Variants in GPRC5D observed in about 807,000 individuals in gnomAD.
The protein encoded by GPRC5D is G protein-coupled receptor class C group 5 member D.
A neutral mutation model predicts 29.3 loss-of-function variants in GPRC5D; 20 were observed. The observed-to-expected ratio is 0.68, with a 90% confidence interval of 0.48 to 0.99. GPRC5D has a LOEUF of 0.99. Ranked by LOEUF, GPRC5D falls within the 50% of genes least tolerant of loss-of-function variation. The pLI, the probability that GPRC5D is intolerant of heterozygous loss-of-function variation, is 0.00. For synonymous variants in GPRC5D, 178 were observed against 171.3 expected (o/e 1.04, Z -0.30); for missense variants, 384 against 423.6 (o/e 0.91, Z 0.82).
At chr12:12,943,487 G>A (rs1863203510) in intron 1 of GPRC5D, among the ~76,000 whole-genome samples, 1 of 152,188 alleles carries the variant, frequency 6.6e-6, no homozygotes, top group Non-Finnish European at 1.5e-5. Flanking sequence ...CTATCTCATA[G>A]GATTGCTTTG....
At chr12:12,943,537 G>T (rs1035586316) in intron 1 of GPRC5D, among the ~76,000 whole-genome samples, 1 of 152,190 alleles carries the variant, frequency 6.6e-6, no homozygotes, top group Non-Finnish European at 1.5e-5. Context: ...TTGGAACAGA[G>T]CTATCCTTTG....
exon 2 of GPRC5D, chr12:12,942,282 A>G (rs1255161989): frequency 1.9e-6 from 3 of 1,611,692 alleles, no homozygotes; most frequent in Admixed American, 1.7e-5. Flanking sequence ...TGGGAGTACC[A>G]TATGAAGTTA....
At chr12:12,947,445 T>G (rs1027091249) in intron 1 of GPRC5D, among the ~76,000 whole-genome samples, 2 of 152,240 alleles carry the variant, frequency 1.3e-5, no homozygotes, top group African/African-American at 4.8e-5. Flanking sequence ...ACCTAAATTC[T>G]GATTTTACTT....
chr12:12,940,813 C>G (rs760144641), exon 3 of GPRC5D: 2 of 1,608,552 alleles, frequency 1.2e-6, no homozygotes, highest in Non-Finnish European at 1.7e-6. Context: ...CTTAGTTTAG[C>G]CTGTGGGATG....
chr12:12,950,536 G>A (rs1863468866), upstream of GPRC5D: 3 of 610,146 alleles, frequency 4.9e-6, no homozygotes, highest in Non-Finnish European at 8.6e-6. Context: ...GCTGGGTGCG[G>A]TGGCTCACTC....
chr12:12,943,032 C>T (rs1000064075), intron 1 of GPRC5D, among the ~76,000 whole-genome samples: 1 of 152,158 alleles, frequency 6.6e-6, no homozygotes, highest in Non-Finnish European at 1.5e-5. Context: ...AACCCCTGGC[C>T]TCAAACCTCC....
intron 1 of GPRC5D, among the ~76,000 whole-genome samples, chr12:12,946,388 TTC>T (rs553114607): frequency 0.022 from 3,120 of 140,644 alleles, 89 homozygotes; most frequent in Admixed American, 0.033. Flanking sequence ...CTTTCTCTCT[TTC>T]TCTCTCTCTC....
intron 1 of GPRC5D, among the ~76,000 whole-genome samples, chr12:12,944,636 A>G (rs995615257): frequency 6.6e-6 from 1 of 152,058 alleles, no homozygotes; most frequent in Non-Finnish European, 1.5e-5. Context: ...TTTACATTAT[A>G]TAGACTCATT....
At chr12:12,942,438 T>A in intron 1 of GPRC5D, 110 bp from the exon 3 acceptor site, 1 of 725,172 alleles carries the variant, frequency 1.4e-6, no homozygotes, top group Non-Finnish European at 2.5e-6. Context: ...CTTCACTCTT[T>A]AAAAGGAATT....
At chr12:12,940,961 G>A in intron 2 of GPRC5D, 112 bp from the exon 4 acceptor site, 1 of 683,812 alleles carries the variant, frequency 1.5e-6, no homozygotes, top group South Asian at 1.5e-5. Flanking sequence ...ACCCAGGCTG[G>A]AGTGCAGTGG....
intron 2 of GPRC5D, among the ~76,000 whole-genome samples, chr12:12,941,562 A>T (rs529804575): frequency 8.5e-5 from 13 of 152,278 alleles, no homozygotes; most frequent in Admixed American, 4.6e-4. Context: ...TCATTGAATA[A>T]ATGATCTGAG....
At chr12:12,941,030 GC>G (rs965488089) in intron 2 of GPRC5D, among the ~76,000 whole-genome samples, 181 bp from the exon 4 acceptor site, 3 of 152,146 alleles carry the variant, frequency 2.0e-5, no homozygotes, top group Admixed American at 1.3e-4. Flanking sequence ...TCCTGCTTCA[GC>G]CTTCTGAGTA....
intron 1 of GPRC5D, among the ~76,000 whole-genome samples, 199 bp downstream of exon 2, chr12:12,949,291 G>A (rs1469749486): frequency 6.6e-6 from 1 of 152,104 alleles, no homozygotes; most frequent in Non-Finnish European, 1.5e-5. Context: ...AAAGCTCTAT[G>A]CTTTGGAAGA....
rs1030278055 is a variant in GPRC5D at position 12,948,198 on chromosome 12, C to T, written c.895+1292G>A. The T allele has an allele frequency of 5.3e-5, 8 of 152,090 alleles. No homozygotes were observed. In the East Asian group the frequency reaches 5.8e-4, roughly 11 times the overall value. The allele number at this position is 152,090 out of a possible 1,614,324, so 9.4% of individuals were successfully genotyped here. ...GTTTCCTGGAAACACACAGCAGCAACGAAAACACAAAAAGTTTTATCTTCT... is the reference window on the plus strand; with the variant it reads ...GTTTCCTGGAAACACACAGCAGCAATGAAAACACAAAAAGTTTTATCTTCT... On this transcript the variant is annotated intron_variant, in intron 1 of 2. Coordinates refer to ENST00000228887, the Ensembl canonical transcript of GPRC5D.
At position 12,946,672 on chromosome 12, in the gene GPRC5D, C is replaced by T. The variant is rs190996217; in HGVS notation, c.895+2818G>A. Reference sequence around the variant, plus strand: ...GTTTTACCCTGTTGGACAGGCTGGTCTCTAACTCCTGTCCTCAGGTGATCT... The same window carrying T: ...GTTTTACCCTGTTGGACAGGCTGGTTTCTAACTCCTGTCCTCAGGTGATCT... On this transcript the variant is annotated intron_variant, in intron 1 of 2. Coordinates refer to ENST00000228887, the Ensembl canonical transcript of GPRC5D. Among the ~76,000 whole-genome samples, 18 of 152,102 alleles carry T rather than the reference C, an allele frequency of 1.2e-4. No individual in the cohort carries two copies. The East Asian group carries it at 3.5e-3, about 29-fold the overall frequency.
chr12:12,944,778 TTCC>T (rs1397180338), intron 1 of GPRC5D, among the ~76,000 whole-genome samples: 3 of 33,676 alleles, frequency 8.9e-5, no homozygotes, highest in South Asian at 1.7e-3. Flanking sequence ...CCTTTCTTCC[TTCC>T]TTCCTTCCTT....
exon 1 of GPRC5D, chr12:12,950,021 C>T: frequency 2.5e-6 from 4 of 1,614,120 alleles, no homozygotes; most frequent in Non-Finnish European, 3.4e-6. Context: ...GAGAAGGAGA[C>T]ACAACCCCGA....
At chr12:12,949,509 C>G in exon 1 of GPRC5D, 1 of 1,613,534 alleles carries the variant, frequency 6.2e-7, no homozygotes, top group South Asian at 1.1e-5. Flanking sequence ...GCTCCTGGTT[C>G]TCCACTTGGA....
intron 1 of GPRC5D, among the ~76,000 whole-genome samples, chr12:12,943,306 TGTTAGTAGG>T (rs1461150017): frequency 1.3e-5 from 2 of 152,026 alleles, no homozygotes; most frequent in African/African-American, 4.8e-5. Context: ...GACATAACCG[TGTTAGTAGG>T]GTTCACACTT....
Sources: gnomAD v4.1 joint callset for allele counts (sites outside exome capture counted in the v4.1 genomes callset) on GRCh38, gnomAD v4.1.1 for gene constraint, MANE v1.5 for transcripts, NCBI Gene and HGNC (gene_info 2026-07-23, HGNC 2026-07-21) for gene names.